NEK10: variants seen among roughly 807,000 people sequenced by gnomAD.
NEK10 encodes NIMA related kinase 10.
In NEK10, 122 loss-of-function variants were observed where a neutral mutation model predicts 159.8. That is an observed-to-expected ratio of 0.76 (90% CI 0.66 to 0.89). NEK10 has a LOEUF of 0.89. Among genes scored for constraint, NEK10 ranks in the 40% least tolerant of loss-of-function variants. The pLI, the probability that NEK10 is intolerant of heterozygous loss-of-function variation, is 0.00. For missense variants in NEK10, 1,342 were observed against 1,323.1 expected, an observed-to-expected ratio of 1.01 and a Z score of -0.22; for synonymous variants, 466 against 457.1, an observed-to-expected ratio of 1.02 and a Z score of -0.25.
intron 15 of NEK10, among the ~76,000 whole-genome samples, chr3:27,294,114 A>C (rs1210913987): frequency 2.6e-5 from 4 of 152,256 alleles, no homozygotes; most frequent in Non-Finnish European, 5.9e-5. Context: ...CAAACTTGAC[A>C]AATTGGTCTC....
intron 32 of NEK10, among the ~76,000 whole-genome samples, chr3:27,128,248 C>CTGT (rs1377063911): frequency 1.3e-5 from 2 of 152,140 alleles, no homozygotes; most frequent in Non-Finnish European, 2.9e-5. Flanking sequence ...GGCCTGAGGG[C>CTGT]TGTAATTTGC....
chr3:27,312,188 G>C lies in NEK10; in HGVS notation c.490-11C>G. The C allele has an allele frequency of 1.3e-6, 2 of 1,568,378 alleles. No homozygotes were observed. The highest frequency in any genetic ancestry group is 1.7e-6 in the Non-Finnish European group (2 of 1,151,470). ...TACAATCTCCATATACTGCATGAAG[G>C]ACCAAACCAACAAGCCAGTCAGGAC... On this transcript the variant is annotated splice_polypyrimidine_tract_variant and intron_variant, in intron 7 of 35. Coordinates refer to ENST00000691995, the MANE Select transcript of NEK10 (RefSeq NM_001394966.1).
chr3:27,195,751 C>T (rs894788663), intron 25 of NEK10, among the ~76,000 whole-genome samples: 3 of 152,168 alleles, frequency 2.0e-5, no homozygotes, highest in Non-Finnish European at 4.4e-5. Context: ...AGAAACTTTT[C>T]GCCAATTCCC....
chr3:27,277,184 T>C, intron 22 of NEK10, among the ~76,000 whole-genome samples: 1 of 152,048 alleles, frequency 6.6e-6, no homozygotes, highest in Non-Finnish European at 1.5e-5. Flanking sequence ...GACTATGAGA[T>C]GACAAACATA....
At chr3:27,236,257 C>G (rs961018553) in intron 23 of NEK10, among the ~76,000 whole-genome samples, 8 of 151,966 alleles carry the variant, frequency 5.3e-5, no homozygotes, top group Middle Eastern at 3.2e-3. Flanking sequence ...TGTAACAAAC[C>G]TGCACATCCT....
At chr3:27,153,162 T>C (rs1945054324) in intron 30 of NEK10, among the ~76,000 whole-genome samples, 1 of 151,706 alleles carries the variant, frequency 6.6e-6, no homozygotes, top group Non-Finnish European at 1.5e-5. Context: ...CTACTAAAAA[T>C]ACAAAAAATT....
intron 14 of NEK10, among the ~76,000 whole-genome samples, chr3:27,296,161 AAAT>A (rs1193803478): frequency 2.0e-5 from 3 of 152,114 alleles, no homozygotes; most frequent in Admixed American, 6.6e-5. Flanking sequence ...AGGAATGAAC[AAAT>A]AATAATACCT....
chr3:27,132,103 T>C, intron 31 of NEK10, 113 bp from the exon 32 acceptor site: 1 of 462,380 alleles, frequency 2.2e-6, no homozygotes, highest in African/African-American at 2.0e-5. Context: ...TAGGACTATG[T>C]AAGAATTTAA....
intron 22 of NEK10, among the ~76,000 whole-genome samples, chr3:27,266,168 A>C (rs1233109384): frequency 6.6e-6 from 1 of 152,140 alleles, no homozygotes; most frequent in African/African-American, 2.4e-5. Flanking sequence ...ACGTTTTTCA[A>C]AGAATAGAAG....
chr3:27,136,078 G>A (rs1943162495), intron 31 of NEK10, among the ~76,000 whole-genome samples: 1 of 148,914 alleles, frequency 6.7e-6, no homozygotes, highest in Non-Finnish European at 1.5e-5. Flanking sequence ...TCAAATAAAT[G>A]GCTTGCCTGT....
At chr3:27,251,817 C>A (rs1000210328) in intron 23 of NEK10, among the ~76,000 whole-genome samples, 6 of 152,062 alleles carry the variant, frequency 3.9e-5, no homozygotes, top group Non-Finnish European at 8.8e-5. Context: ...TGTTTAACAT[C>A]CTACTTGATC....
At chr3:27,264,408 C>T (rs765150419) in intron 22 of NEK10, among the ~76,000 whole-genome samples, 1 of 152,098 alleles carries the variant, frequency 6.6e-6, no homozygotes, top group African/African-American at 2.4e-5. Context: ...GTAAGTAAAT[C>T]AAATCCAGTG....
intron 5 of NEK10, among the ~76,000 whole-genome samples, chr3:27,331,676 A>T (rs1437149492): frequency 6.6e-6 from 1 of 152,130 alleles, no homozygotes; most frequent in East Asian, 1.9e-4. Flanking sequence ...TTGATAACGA[A>T]TTGTCTGATA....
intron 6 of NEK10, among the ~76,000 whole-genome samples, chr3:27,317,866 G>T (rs533375154): frequency 6.6e-6 from 1 of 151,978 alleles, no homozygotes; most frequent in Non-Finnish European, 1.5e-5. Context: ...GCAGTGGCGC[G>T]ATCTTGGCTC....
intron 32 of NEK10, among the ~76,000 whole-genome samples, chr3:27,123,855 A>G (rs1343699837): frequency 3.9e-5 from 6 of 151,938 alleles, no homozygotes; most frequent in Admixed American, 3.9e-4. Flanking sequence ...AAGACTACGA[A>G]GGAAGCAGCA....
At chr3:27,262,656 T>C (rs145337530) in intron 22 of NEK10, among the ~76,000 whole-genome samples, 9 of 152,360 alleles carry the variant, frequency 5.9e-5, no homozygotes, top group African/African-American at 1.9e-4. Flanking sequence ...CATCATGTAG[T>C]TCTCGTGCCT....
At chr3:27,321,316 G>A (rs1053861271) in intron 6 of NEK10, among the ~76,000 whole-genome samples, 1 of 152,144 alleles carries the variant, frequency 6.6e-6, no homozygotes, top group Non-Finnish European at 1.5e-5. Context: ...TACATACTGA[G>A]TCAGATTCTG....
chr3:27,128,315 T>C (rs1473041170), intron 32 of NEK10, among the ~76,000 whole-genome samples: 1 of 152,150 alleles, frequency 6.6e-6, no homozygotes. Flanking sequence ...GCAAGAATAT[T>C]TCATAGACAG....
At chr3:27,279,330 G>T (rs149756365) in intron 22 of NEK10, among the ~76,000 whole-genome samples, 3 of 152,106 alleles carry the variant, frequency 2.0e-5, no homozygotes, top group African/African-American at 7.2e-5. Flanking sequence ...ACCTTCTAGC[G>T]CAAGCAAAGA....
Sources: allele counts gnomAD v4.1 joint callset (sites outside exome capture counted in the v4.1 genomes callset), GRCh38; gene constraint gnomAD v4.1.1; transcripts MANE v1.5; gene names NCBI Gene and HGNC (gene_info 2026-07-23, HGNC 2026-07-21).